Variants in NDUFB1 observed in about 807,000 individuals in gnomAD.
NDUFB1 encodes NADH:ubiquinone oxidoreductase subunit B1.
A neutral mutation model predicts 6.7 loss-of-function variants in NDUFB1; 6 were observed. The observed-to-expected ratio is 0.89, with a 90% CI of 0.49 to 1.76. The LOEUF (loss-of-function observed/expected upper bound fraction) is 1.76. NDUFB1 is among the 40% of genes most tolerant of loss of function. The pLI, the probability that NDUFB1 is intolerant of heterozygous loss-of-function variation, is 0.01. For missense variants in NDUFB1, 56 were observed against 71.0 expected (o/e 0.79, Z 0.76); for synonymous variants, 17 against 22.9 (o/e 0.74, Z 0.74).
At chr14:92,118,948 TG>T in intron 1 of NDUFB1, 5 of 370,728 alleles carry the variant, frequency 1.3e-5, no homozygotes, top group Admixed American at 3.7e-5. Flanking sequence ...CACTCCAGCC[TG>T]GGGGATACAG....
chr14:92,118,071 C>T (rs766401016), intron 1 of NDUFB1: 18 of 187,992 alleles, frequency 9.6e-5, no homozygotes, highest in Non-Finnish European at 1.4e-4. Flanking sequence ...AAGCCTAATA[C>T]GCCTCTTTGT....
At chr14:92,121,605 C>A (rs780214233) in intron 1 of NDUFB1, 37 bp downstream of exon 1, 4 of 1,611,374 alleles carry the variant, frequency 2.5e-6, no homozygotes, top group Middle Eastern at 1.8e-4. Context: ...TCGCCGTGAT[C>A]CTCGTCGCGG....
chr14:92,119,932 AT>A (rs998105778), intron 1 of NDUFB1, among the ~76,000 whole-genome samples: 4 of 151,034 alleles, frequency 2.6e-5, no homozygotes, highest in African/African-American at 4.9e-5. Context: ...TTCTTTAAAC[AT>A]TTTTTTTTGT....
At chr14:92,117,011 A>C (rs1467990033) in intron 2 of NDUFB1, among the ~76,000 whole-genome samples, 1 of 152,232 alleles carries the variant, frequency 6.6e-6, no homozygotes. Context: ...CTGCTGCCAG[A>C]GGAGCCATCT....
rs759531266 is a variant in NDUFB1, at chr14:92,116,171, C to A, written c.*22G>T. ...TTCTCTCAGAACTTTAAAATGTGAACATTCGATAATCTAGCCAGTCTTTAC... is the reference window on the plus strand; with the variant it reads ...TTCTCTCAGAACTTTAAAATGTGAAAATTCGATAATCTAGCCAGTCTTTAC... On this transcript the variant is annotated 3_prime_UTR_variant, in exon 3 of 3. Coordinates refer to ENST00000605997, the MANE Select transcript of NDUFB1 (RefSeq NM_004545.4). 6.2e-7 allele frequency: 1 copy of A among 1,604,102 alleles called. No homozygotes were observed. The highest frequency in any genetic ancestry group is 8.5e-7 in the Non-Finnish European group (1 of 1,171,250).
Position 92,121,656 on chromosome 14 carries a change from C to A in NDUFB1, c.-20G>T. The A allele has an allele frequency of 6.2e-7, 1 of 1,606,924 alleles. No individual in the cohort carries two copies. The highest frequency in any genetic ancestry group is 8.5e-7 in the Non-Finnish European group (1 of 1,177,560). On this transcript the variant is annotated 5_prime_UTR_variant, in exon 1 of 3. Coordinates refer to ENST00000605997, the MANE Select transcript of NDUFB1 (RefSeq NM_004545.4). ...CCCAAACCCACCTGCAGCCTCAGCG[C>A]CTACAGCGACCCCGAGACCAAGGGC... is the stretch of plus-strand genomic sequence containing the variant.
At chr14:92,119,004 G>A (rs1225060744) in intron 1 of NDUFB1, 3 of 355,500 alleles carry the variant, frequency 8.4e-6, no homozygotes, top group Admixed American at 3.8e-5. Flanking sequence ...AAAAGGCAAA[G>A]GGAGAAGAAA....
At chr14:92,121,608 C>T (rs754369897) in intron 1 of NDUFB1, 34 bp downstream of exon 1, 2 of 1,611,492 alleles carry the variant, frequency 1.2e-6, no homozygotes, top group East Asian at 4.5e-5. Flanking sequence ...CCGTGATCCT[C>T]GTCGCGGCGG....
intron 2 of NDUFB1, among the ~76,000 whole-genome samples, chr14:92,116,497 C>G (rs1312839107): frequency 6.6e-6 from 1 of 151,644 alleles, no homozygotes; most frequent in African/African-American, 2.4e-5. Context: ...CCACACCGAG[C>G]TAATTTTTTA....
At position 92,116,822 on chromosome 14, in the gene NDUFB1, G is replaced by C. The variant is rs12897890; in HGVS notation, c.141-593C>G. ...TTATCTCTGCTCAGTGAGTTCATTC[G>C]AAATGTTTTCTAAACCCTTTCCAGC... On this transcript the variant is annotated intron_variant, in intron 2 of 2. Coordinates refer to ENST00000605997, the MANE Select transcript of NDUFB1 (RefSeq NM_004545.4). 3.7e-3 allele frequency among the ~76,000 whole-genome samples: 564 copies of C among 152,186 alleles called. 1 individual carries two copies. The highest frequency in any genetic ancestry group is 6.0e-3 in the Non-Finnish European group (406 of 68,002).
At chr14:92,117,853 C>A (rs1367548253) in intron 1 of NDUFB1, 2 of 516,486 alleles carry the variant, frequency 3.9e-6, no homozygotes, top group East Asian at 7.5e-5. Flanking sequence ...CAAAAATTAG[C>A]CGGGTGTGGT....
At chr14:92,118,099 G>T in intron 1 of NDUFB1, 1 of 191,020 alleles carries the variant, frequency 5.2e-6, no homozygotes, top group Non-Finnish European at 1.1e-5. Flanking sequence ...GCATCAGAAT[G>T]TAGTATAATA....
chr14:92,120,714 C>A (rs910987854), intron 1 of NDUFB1, among the ~76,000 whole-genome samples: 3 of 147,100 alleles, frequency 2.0e-5, no homozygotes, highest in Non-Finnish European at 4.5e-5. Flanking sequence ...GCCACCACGC[C>A]CGGCTAATTT....
chr14:92,120,856 T>G (rs1361975428), intron 1 of NDUFB1, among the ~76,000 whole-genome samples: 1 of 148,590 alleles, frequency 6.7e-6, no homozygotes, highest in Admixed American at 6.7e-5. Flanking sequence ...CTGGCCATAC[T>G]TTTGTCTTTT....
intron 1 of NDUFB1, chr14:92,121,341 T>C (rs1037602917): frequency 3.1e-5 from 15 of 490,874 alleles, no homozygotes; most frequent in African/African-American, 7.8e-5. Flanking sequence ...AGGCCAGGCG[T>C]GGGATCCGGG....
At chr14:92,117,071 C>T (rs2068722133) in intron 2 of NDUFB1, among the ~76,000 whole-genome samples, 1 of 152,240 alleles carries the variant, frequency 6.6e-6, no homozygotes, top group Non-Finnish European at 1.5e-5. Flanking sequence ...CACTCTACCA[C>T]CAGGTCTAAA....
At chr14:92,121,189 T>A in intron 1 of NDUFB1, 1 of 207,536 alleles carries the variant, frequency 4.8e-6, no homozygotes, top group Non-Finnish European at 9.9e-6. Flanking sequence ...AGTAAAAGGG[T>A]AAGCACATCA....
chr14:92,116,513 T>G (rs113437931), intron 2 of NDUFB1, among the ~76,000 whole-genome samples: 14,897 of 151,580 alleles, frequency 0.098, 813 homozygotes, highest in African/African-American at 0.15. Context: ...TTTTATATTT[T>G]TGGTAGAGAC....
chr14:92,116,337 T>C (rs1045107544), intron 2 of NDUFB1, 108 bp from the exon 3 acceptor site: 12,986 of 868,554 alleles, frequency 0.015, 29 homozygotes, highest in East Asian at 0.054. Flanking sequence ...TTTTCTTTTT[T>C]TTTTTTTTTT....
Sources: gnomAD v4.1 joint callset for allele counts (sites outside exome capture counted in the v4.1 genomes callset) on GRCh38, gnomAD v4.1.1 for gene constraint, MANE v1.5 for transcripts, NCBI Gene and HGNC (gene_info 2026-07-23, HGNC 2026-07-21) for gene names.